The following VPS13D variants were observed in gnomAD, a reference collection of about 807,000 sequenced individuals.
VPS13D encodes the protein vacuolar protein sorting 13 homolog D, also known as intermembrane lipid transfer protein VPS13D.
In VPS13D, 187 loss-of-function variants were observed where a neutral mutation model predicts 461.9. That is an observed-to-expected ratio of 0.40 (90% confidence interval 0.36 to 0.46). VPS13D has a LOEUF of 0.46. Ranked by LOEUF, VPS13D falls within the 20% of genes least tolerant of loss-of-function variation. The probability of loss-of-function intolerance (pLI) is 0.60; values close to 1 mark genes in which losing one functional copy is unlikely to be tolerated. For missense variants in VPS13D, 4,711 were observed against 5,364.9 expected (o/e 0.88, Z 3.81); for synonymous variants, 1,951 against 1,986.3 (o/e 0.98, Z 0.47).
intron 3 of VPS13D, among the ~76,000 whole-genome samples, chr1:12,243,186 C>T (rs1056210017): frequency 1.3e-5 from 2 of 152,028 alleles, no homozygotes; most frequent in African/African-American, 4.8e-5. Flanking sequence ...AACTCCTGAC[C>T]TCAGGTGATC....
chr1:12,309,456 G>C (rs1195276653), intron 27 of VPS13D, among the ~76,000 whole-genome samples: 5 of 151,552 alleles, frequency 3.3e-5, no homozygotes, highest in African/African-American at 1.2e-4. Flanking sequence ...TGATCCACCT[G>C]CCTTGGCATG....
intron 35 of VPS13D, among the ~76,000 whole-genome samples, chr1:12,326,324 T>G (rs1643186985): frequency 6.8e-6 from 1 of 148,022 alleles, no homozygotes; most frequent in Non-Finnish European, 1.5e-5. Flanking sequence ...CTTTTGGATT[T>G]TTTTTTTTTT....
chr1:12,505,285 T>G lies in VPS13D; in HGVS notation c.12795-1568T>G, dbSNP rs1646090594. Among the ~76,000 whole-genome samples the G allele has an allele frequency of 1.3e-5, 2 of 152,260 alleles. No homozygotes were observed. Among genetic ancestry groups the G allele is most frequent in the Non-Finnish European group, 2.9e-5 (2 of 68,046 alleles). On this transcript the variant is annotated intron_variant, in intron 68 of 69. Coordinates refer to ENST00000620676, the MANE Select transcript of VPS13D (RefSeq NM_015378.4). This position sits in a 1 kb window ranked among gnomAD's most constrained non-coding sequence, Gnocchi z 4.2. Reference sequence around the variant, plus strand: ...GCCCTCCTTTCTTCCCCGGACCAGCTATTTCAGATTCCATTCAACTCTGTT... The same window carrying G: ...GCCCTCCTTTCTTCCCCGGACCAGCGATTTCAGATTCCATTCAACTCTGTT...
At chr1:12,475,732 A>AG (rs1419332830) in intron 67 of VPS13D, among the ~76,000 whole-genome samples, 1 of 152,222 alleles carries the variant, frequency 6.6e-6, no homozygotes, top group Non-Finnish European at 1.5e-5. Context: ...CATACATAGC[A>AG]GGCTTGATCA....
intron 5 of VPS13D, among the ~76,000 whole-genome samples, chr1:12,245,383 T>C (rs763520043): frequency 2.0e-5 from 3 of 152,238 alleles, no homozygotes; most frequent in Admixed American, 6.5e-5. Context: ...CAAACAAATT[T>C]ATAAAATATT....
At chr1:12,383,250 C>T in intron 58 of VPS13D, 95 bp downstream of exon 58, 3 of 1,265,230 alleles carry the variant, frequency 2.4e-6, no homozygotes, top group Non-Finnish European at 2.1e-6. Context: ...CATGTTTATG[C>T]CAGATATGAA....
chr1:12,282,318 T>G (rs1209983014), intron 20 of VPS13D, among the ~76,000 whole-genome samples: 1 of 152,382 alleles, frequency 6.6e-6, no homozygotes, highest in East Asian at 1.9e-4. Flanking sequence ...TTACTCTAAC[T>G]GGTGATGATC....
At position 12,353,786 on chromosome 1, in the gene VPS13D, A is replaced by G. The variant is rs185097839; in HGVS notation, c.9432-188A>G. On this transcript the variant is annotated intron_variant, in intron 46 of 69. Transcript: ENST00000620676. The stretch of plus-strand genomic sequence containing the variant: ...GTGTATAATTGTCAGAGCTCATCAA[A>G]CTGAACATTTAAAATCTATACATAT... 1.2e-4 allele frequency among the ~76,000 whole-genome samples: 18 copies of G among 152,290 alleles called. 1 individual carries two copies. The East Asian group carries it at 3.5e-3, about 29-fold the overall frequency.
At position 12,346,061 on chromosome 1, in the gene VPS13D, A is replaced by G. The variant is rs138755374; in HGVS notation, c.9022-544A>G. On this transcript the variant is annotated intron_variant, in intron 43 of 69. Coordinates refer to ENST00000620676, the MANE Select transcript of VPS13D (RefSeq NM_015378.4). The stretch of plus-strand genomic sequence containing the variant: ...CTTGTACATGCAGGTGGAGGCTGAC[A>G]TCCTGGCTGACAGAGCTGCCATGGG... Among the ~76,000 whole-genome samples the G allele has an allele frequency of 4.0e-3, 603 of 152,312 alleles. 13 individuals are homozygous for G. The highest frequency in any genetic ancestry group is 0.033 in the Admixed American group (500 of 15,298).
chr1:12,353,231 A>C (rs1248648486), intron 46 of VPS13D, among the ~76,000 whole-genome samples: 1 of 151,984 alleles, frequency 6.6e-6, no homozygotes, highest in Admixed American at 6.6e-5. Context: ...TTGAGACTTT[A>C]AGTTTTAGAA....
In VPS13D at chr1:12,484,734, A is replaced by G. The variant is rs187938686; in HGVS notation, c.12663-12766A>G. Among the ~76,000 whole-genome samples, 4 of 152,350 alleles carry G rather than the reference A, an allele frequency of 2.6e-5. No individual in the cohort carries two copies. The East Asian group carries it at 7.7e-4, about 29-fold the overall frequency. On this transcript the variant is annotated intron_variant, in intron 67 of 69. Transcript: ENST00000620676. ...TCTTCTGACCTAAGATTGGTGGGAA[A>G]GTACAGATAAAAGCTGGTTGAGGAG... is the stretch of plus-strand genomic sequence containing the variant.
chr1:12,323,396 C>G (rs1297921412), intron 34 of VPS13D, among the ~76,000 whole-genome samples: 2 of 151,970 alleles, frequency 1.3e-5, no homozygotes, highest in African/African-American at 2.4e-5. Flanking sequence ...TAAGCTGTTT[C>G]AAACACAGTC....
intron 29 of VPS13D, 133 bp from the exon 30 acceptor site, chr1:12,313,982 T>C: frequency 1.3e-6 from 1 of 742,832 alleles, no homozygotes; most frequent in East Asian, 2.7e-5. Flanking sequence ...ACAAGAAAAC[T>C]CAGAATGAAA....
chr1:12,348,958 C>G lies in VPS13D; in HGVS notation c.9205C>G (p.Pro3069Ala). 2 of 1,614,156 alleles carry G rather than the reference C, an allele frequency of 1.2e-6. No individual in the cohort carries two copies. The highest frequency in any genetic ancestry group is 1.7e-6 in the Non-Finnish European group (2 of 1,180,024). The change falls in exon 45 of 70, where the codon CCA (proline) becomes GCA (alanine). Residue 3069 changes from proline to alanine, a missense_variant. Physicochemically the swap from Pro to Ala is conservative, Grantham distance 27. Transcript: ENST00000620676. ...ACCAATGGAACTAAGACTGGATAGCCCATCAGCTCCAGACAGTATGTTTTG... is the reference window on the plus strand; with the variant it reads ...ACCAATGGAACTAAGACTGGATAGCGCATCAGCTCCAGACAGTATGTTTTG... ...ETPMELRLDSPSAPDKPVVLP... is the reference protein window; with the variant it reads ...ETPMELRLDSASAPDKPVVLP...
In VPS13D at chr1:12,276,732, T is replaced by A; in HGVS notation, c.3144T>A (p.Asn1048Lys). ...SRAQSPVSGP[N>K]VAHLTDGATL... ...CCCAGTCTCCTGTCTCTGGACCGAATGTGGCCCACTTAACTGATGGAGCTA... is the reference window on the plus strand; with the variant it reads ...CCCAGTCTCCTGTCTCTGGACCGAAAGTGGCCCACTTAACTGATGGAGCTA... The change falls in exon 19 of 70, where the codon AAT becomes AAA. Residue 1048 changes from asparagine to lysine, a missense_variant. By Grantham distance (94) the Asn-to-Lys change is moderately conservative. Around this residue, in one of 3 missense-constraint regions of VPS13D, gnomAD observed 4,411 missense variants for 4,937.8 expected, o/e 0.89. Transcript: ENST00000620676. The surrounding 1 kb of genome is among the most constrained non-coding windows in gnomAD (Gnocchi z 4.5). The A allele has an allele frequency of 6.2e-7, 1 of 1,614,214 alleles. No individual in the cohort carries two copies. Among genetic ancestry groups the A allele is most frequent in the Non-Finnish European group, 8.5e-7 (1 of 1,180,040 alleles).
intron 26 of VPS13D, among the ~76,000 whole-genome samples, chr1:12,305,524 A>G (rs1197707033): frequency 6.6e-6 from 1 of 152,134 alleles, no homozygotes; most frequent in African/African-American, 2.4e-5. Flanking sequence ...TCCCGAGCTC[A>G]AGTGATCCTC....
chr1:12,341,608 C>T (rs1299235936), intron 40 of VPS13D, among the ~76,000 whole-genome samples, 172 bp from the exon 41 acceptor site: 1 of 152,176 alleles, frequency 6.6e-6, no homozygotes, highest in Non-Finnish European at 1.5e-5. Context: ...CAAATTCTCC[C>T]ATAGCAGCCA....
intron 36 of VPS13D, among the ~76,000 whole-genome samples, chr1:12,328,760 G>A (rs890291808): frequency 6.6e-6 from 1 of 152,076 alleles, no homozygotes; most frequent in African/African-American, 2.4e-5. Context: ...GGCCTGTCTC[G>A]ACCTCCTGAC....
At chr1:12,273,209 G>T in intron 18 of VPS13D, 74 bp downstream of exon 18, 1 of 1,492,086 alleles carries the variant, frequency 6.7e-7, no homozygotes, top group Non-Finnish European at 9.0e-7. Context: ...TCTAAGTAAA[G>T]CTTAATAAAA....
Sources: allele counts gnomAD v4.1 joint callset (sites outside exome capture counted in the v4.1 genomes callset), GRCh38; gene constraint gnomAD v4.1.1; regional missense constraint gnomAD v4.1.1; non-coding constraint Gnocchi (gnomAD v3.1); transcripts MANE v1.5; gene names NCBI Gene and HGNC (gene_info 2026-07-23, HGNC 2026-07-21).